The following RUNX1 variants were observed in gnomAD, a reference collection of about 807,000 sequenced individuals.
RUNX1 encodes runt-related transcription factor 1.
In RUNX1, 19 loss-of-function variants were observed where a neutral mutation model predicts 42.8. That is an observed-to-expected ratio of 0.44 (90% CI 0.31 to 0.65). The LOEUF (loss-of-function observed/expected upper bound fraction) is 0.65. Ranked by LOEUF, RUNX1 falls within the 30% of genes least tolerant of loss-of-function variation. The pLI is 0.07. For missense variants in RUNX1, 528 were observed against 672.0 expected, an observed-to-expected ratio of 0.79 and a Z score of 2.37; for synonymous variants, 271 against 289.4, an observed-to-expected ratio of 0.94 and a Z score of 0.64.
chr21:34,867,450 T>C (rs2057678225), intron 5 of RUNX1, among the ~76,000 whole-genome samples: 1 of 151,882 alleles, frequency 6.6e-6, no homozygotes, highest in South Asian at 2.1e-4. Context: ...TAAAAATCAA[T>C]GAATCACTCT....
intron 2 of RUNX1, among the ~76,000 whole-genome samples, chr21:34,934,887 A>T (rs1174314858): frequency 1.3e-5 from 2 of 152,082 alleles, no homozygotes; most frequent in African/African-American, 2.4e-5. Context: ...ACTTTCAGCT[A>T]CTCATTAGGA....
chr21:34,922,218 G>A lies in RUNX1; in HGVS notation c.59-29255C>T, dbSNP rs549128148. On this transcript the variant is annotated intron_variant, in intron 2 of 8. Transcript: ENST00000675419. Reference sequence around the variant, plus strand: ...GTGTGCCACAAGCAAGGTGTGTGCCGGTTCTAGAGGAGAAGACAGCAGTTG... The same window carrying A: ...GTGTGCCACAAGCAAGGTGTGTGCCAGTTCTAGAGGAGAAGACAGCAGTTG... Among the ~76,000 whole-genome samples, 5 of 152,222 alleles carry A rather than the reference G, an allele frequency of 3.3e-5. No homozygotes were observed. In the East Asian group the frequency reaches 5.8e-4, roughly 18 times the overall value.
At chr21:35,022,620 C>T (rs547756022) in intron 2 of RUNX1, among the ~76,000 whole-genome samples, 19 of 152,196 alleles carry the variant, frequency 1.2e-4, no homozygotes, top group Non-Finnish European at 2.2e-4. Flanking sequence ...AGAGGCTGGG[C>T]GCTGTAGCTC....
At chr21:34,824,279 C>T (rs565389292) in intron 7 of RUNX1, among the ~76,000 whole-genome samples, 1 of 152,296 alleles carries the variant, frequency 6.6e-6, no homozygotes, top group Non-Finnish European at 1.5e-5. Context: ...AGAGGTGGTA[C>T]ATTCTTCCCC....
intron 2 of RUNX1, among the ~76,000 whole-genome samples, chr21:34,970,447 C>G (rs1212578820): frequency 6.6e-6 from 1 of 152,202 alleles, no homozygotes; most frequent in Non-Finnish European, 1.5e-5. Flanking sequence ...ACAGATGTGG[C>G]AGAAGAACAG....
At chr21:34,802,481 T>G (rs993790135) in intron 7 of RUNX1, among the ~76,000 whole-genome samples, 16 of 152,216 alleles carry the variant, frequency 1.1e-4, no homozygotes, top group African/African-American at 3.9e-4. Flanking sequence ...CTTCATTCAT[T>G]TATTCATTCA....
intron 6 of RUNX1, among the ~76,000 whole-genome samples, chr21:34,839,946 C>T (rs1193138971): frequency 6.6e-6 from 1 of 152,156 alleles, no homozygotes; most frequent in East Asian, 1.9e-4. Flanking sequence ...TGACGGCCTC[C>T]TTTTGGTGAT....
At chr21:34,894,295 G>T (rs1398172041) in intron 2 of RUNX1, among the ~76,000 whole-genome samples, 1 of 151,830 alleles carries the variant, frequency 6.6e-6, no homozygotes, top group Non-Finnish European at 1.5e-5. Flanking sequence ...TGGAGTAGGA[G>T]AGCAAGAAAA....
chr21:34,847,398 C>A (rs182273806), intron 6 of RUNX1, among the ~76,000 whole-genome samples: 1 of 151,924 alleles, frequency 6.6e-6, no homozygotes, highest in Non-Finnish European at 1.5e-5. Flanking sequence ...AAAGACACGA[C>A]GAGATAATAT....
intron 2 of RUNX1, among the ~76,000 whole-genome samples, chr21:34,998,637 G>A (rs1310600120): frequency 6.6e-6 from 1 of 152,012 alleles, no homozygotes; most frequent in Non-Finnish European, 1.5e-5. Flanking sequence ...CGCCTCCCAG[G>A]TTCACGCCAT....
chr21:35,003,316 A>C (rs1224178622), intron 2 of RUNX1, among the ~76,000 whole-genome samples: 3 of 152,138 alleles, frequency 2.0e-5, no homozygotes, highest in Non-Finnish European at 4.4e-5. Flanking sequence ...TCTCAATAGC[A>C]AGGGAGCAAG....
At chr21:35,013,558 TAAAAC>T (rs2059140195) in intron 2 of RUNX1, among the ~76,000 whole-genome samples, 1 of 151,990 alleles carries the variant, frequency 6.6e-6, no homozygotes, top group African/African-American at 2.4e-5. Flanking sequence ...AAAAAAATAA[TAAAAC>T]AAAGTGGAGA....
intron 7 of RUNX1, chr21:34,821,498 G>C: frequency 1.4e-6 from 2 of 1,474,688 alleles, no homozygotes; most frequent in Non-Finnish European, 1.8e-6. Context: ...ACGACGGTTT[G>C]CAGAGGGGGA....
At chr21:34,904,974 G>A (rs1200431251) in intron 2 of RUNX1, among the ~76,000 whole-genome samples, 1 of 146,224 alleles carries the variant, frequency 6.8e-6, no homozygotes, top group East Asian at 1.9e-4. Flanking sequence ...GACTTCTAAG[G>A]AGGAAAGAAG....
intron 2 of RUNX1, among the ~76,000 whole-genome samples, chr21:34,894,919 AC>A (rs2058117201): frequency 7.0e-6 from 1 of 143,162 alleles, no homozygotes; most frequent in African/African-American, 2.9e-5. Context: ...ACACACACAC[AC>A]ACACACACAT....
chr21:34,945,153 A>T (rs1378248957), intron 2 of RUNX1, among the ~76,000 whole-genome samples: 1 of 152,266 alleles, frequency 6.6e-6, no homozygotes, highest in African/African-American at 2.4e-5. Context: ...AGTGGTAAAC[A>T]TTTATTGATC....
intron 6 of RUNX1, among the ~76,000 whole-genome samples, chr21:34,850,688 C>A (rs909984159): frequency 1.9e-4 from 29 of 152,176 alleles, no homozygotes; most frequent in African/African-American, 6.5e-4. Flanking sequence ...AGGAACAGTG[C>A]CCAGAGTGTT....
rs1291056150 is a variant in RUNX1, at chr21:34,834,671, A to C, written c.614-70T>G. On this transcript the variant is annotated intron_variant, in intron 6 of 8. Transcript: ENST00000675419. ...AGGGAGGGAAGAGATCAGAAAAAGT[A>C]TTGTGGATTTCCTAAAACTGGGGCT... The C allele has an allele frequency of 6.6e-6, 9 of 1,371,754 alleles. No homozygotes were observed. The East Asian group carries it at 2.1e-4, about 32-fold the overall frequency. The allele number at this position is 1,371,754 out of a possible 1,614,324, so 85.0% of individuals were successfully genotyped here. A position where few individuals can be genotyped will look rare whatever the true frequency, so the allele number is the denominator to read the frequency against.
intron 5 of RUNX1, among the ~76,000 whole-genome samples, chr21:34,864,451 G>A (rs73900570): frequency 0.025 from 3,815 of 152,284 alleles, 146 homozygotes; most frequent in African/African-American, 0.085. Context: ...GGCTGCTGCC[G>A]AGAGGGCCGG....
Sources: gnomAD v4.1 joint callset for allele counts (sites outside exome capture counted in the v4.1 genomes callset) on GRCh38, gnomAD v4.1.1 for gene constraint, MANE v1.5 for transcripts, NCBI Gene and HGNC (gene_info 2026-07-23, HGNC 2026-07-21) for gene names.